Variants in DIP2C observed in about 807,000 individuals in gnomAD.
DIP2C encodes the protein disco-interacting protein 2 homolog C.
A neutral mutation model predicts 192.4 loss-of-function variants in DIP2C; 33 were observed. That is an observed-to-expected ratio of 0.17 (90% confidence interval 0.13 to 0.23). The LOEUF is 0.23. Among genes scored for constraint, DIP2C ranks in the 10% least tolerant of loss-of-function variants. The pLI is 1.00. For missense variants in DIP2C, 1,537 were observed against 2,110.1 expected (o/e 0.73, Z 5.32); for synonymous variants, 979 against 864.1 (o/e 1.13, Z -2.33).
chr10:554,344 T>C (rs1295296033), intron 1 of DIP2C, among the ~76,000 whole-genome samples: 2 of 152,248 alleles, frequency 1.3e-5, no homozygotes, highest in Non-Finnish European at 2.9e-5. Context: ...CAGTGATTCA[T>C]TTCCATCTGC....
intron 26 of DIP2C, among the ~76,000 whole-genome samples, chr10:346,750 G>A (rs374220126): frequency 0.023 from 2,010 of 87,836 alleles, 433 homozygotes; most frequent in African/African-American, 0.16. Context: ...GACACATCAC[G>A]CATAGTTCTC....
At chr10:673,782 G>T in intron 1 of DIP2C, among the ~76,000 whole-genome samples, 1 of 152,272 alleles carries the variant, frequency 6.6e-6, no homozygotes, top group Non-Finnish European at 1.5e-5. Flanking sequence ...AACCTAACCA[G>T]TCATCAAGAA....
At chr10:592,062 C>T (rs1851435653) in intron 1 of DIP2C, among the ~76,000 whole-genome samples, 1 of 152,186 alleles carries the variant, frequency 6.6e-6, no homozygotes, top group African/African-American at 2.4e-5. Context: ...CATTCATAGC[C>T]ATGTGTTCTG....
chr10:492,725 G>C (rs1018483118), intron 1 of DIP2C, among the ~76,000 whole-genome samples: 4 of 152,186 alleles, frequency 2.6e-5, no homozygotes, highest in African/African-American at 9.7e-5. Flanking sequence ...AGGTCACTTA[G>C]AGTTTTACCT....
intron 1 of DIP2C, among the ~76,000 whole-genome samples, chr10:631,529 G>GT (rs1854519430): frequency 1.3e-5 from 2 of 152,180 alleles, no homozygotes; most frequent in East Asian, 3.8e-4. Flanking sequence ...TGTGGGCAGG[G>GT]TAGCACCTCT....
chr10:603,330 A>C (rs976384343), intron 1 of DIP2C, among the ~76,000 whole-genome samples: 40 of 128,156 alleles, frequency 3.1e-4, no homozygotes, highest in Non-Finnish European at 5.2e-4. Context: ...AAAAAAAAAA[A>C]AAACCAACCA....
At chr10:584,981 G>A (rs1380851645) in intron 1 of DIP2C, among the ~76,000 whole-genome samples, 3 of 125,052 alleles carry the variant, frequency 2.4e-5, no homozygotes, top group Admixed American at 8.7e-5. Flanking sequence ...CCACTCACGC[G>A]CATCACCTCT....
intron 1 of DIP2C, among the ~76,000 whole-genome samples, chr10:686,321 G>A (rs1220806268): frequency 2.7e-5 from 4 of 148,002 alleles, no homozygotes; most frequent in Non-Finnish European, 6.0e-5. Context: ...TCCACCTGCG[G>A]GGCCTCTCCA....
chr10:381,793 A>G (rs1962397671), intron 17 of DIP2C, among the ~76,000 whole-genome samples: 1 of 152,178 alleles, frequency 6.6e-6, no homozygotes, highest in Non-Finnish European at 1.5e-5. Flanking sequence ...CTCACCCCAC[A>G]GGAAAGGAAT....
intron 1 of DIP2C, among the ~76,000 whole-genome samples, chr10:561,432 C>A (rs1362186218): frequency 6.6e-6 from 1 of 152,196 alleles, no homozygotes; most frequent in Non-Finnish European, 1.5e-5. Context: ...GAGAGACCTG[C>A]ACCTCCAGGG....
Position 344,835 on chromosome 10 carries a change from T to C in DIP2C, c.3427A>G (p.Thr1143Ala). 1.2e-6 allele frequency: 2 copies of C among 1,600,158 alleles called. No individual in the cohort carries two copies. The highest frequency in any genetic ancestry group is 1.7e-6 in the Non-Finnish European group (2 of 1,174,730). The change falls in exon 28 of 37, where the codon ACA becomes GCA. Residue 1143 changes from threonine to alanine, a missense_variant. Physicochemically the swap from Thr to Ala is moderately conservative, Grantham distance 58 (BLOSUM62 0). This residue lies in a region of DIP2C where 341 missense variants were observed against 551.7 expected (regional missense o/e 0.62). Transcript: ENST00000280886. ...TTTACGCCAGCTAGCATCCCAGTTG[T>C]GGACACGCTGAAGTCGAGATATGCA... ...TLAYLDFSVS[T>A]TGMLAGVKMS...
intron 6 of DIP2C, 98 bp downstream of exon 6, chr10:418,967 T>A (rs1041377618): frequency 6.4e-7 from 1 of 1,554,510 alleles, no homozygotes; most frequent in African/African-American, 1.4e-5. Context: ...CAGAACCGAT[T>A]GTACCCCAGG....
intron 4 of DIP2C, among the ~76,000 whole-genome samples, chr10:435,359 T>C (rs894884624): frequency 1.1e-4 from 16 of 152,208 alleles, no homozygotes; most frequent in African/African-American, 3.9e-4. Flanking sequence ...TCCCCTGTAG[T>C]AAGTATGAGG....
chr10:650,722 G>C, intron 1 of DIP2C: 1 of 634,688 alleles, frequency 1.6e-6, no homozygotes, highest in Non-Finnish European at 2.9e-6. Flanking sequence ...GAGTGCTCTG[G>C]GCCGACCCCC....
chr10:367,174 T>C (rs1960343058), intron 18 of DIP2C, among the ~76,000 whole-genome samples: 3 of 152,198 alleles, frequency 2.0e-5, no homozygotes, highest in South Asian at 4.2e-4. Context: ...TCCCAGTACT[T>C]TGGGAGGCCG....
rs1447387574 is a variant in DIP2C at position 274,747 on chromosome 10, C to T, written c.*2578G>A. ...ATAATAAACAAGCACCATGAGGAAT[C>T]TGCTCCTGTTTGATTAGGTCTGTGT... On this transcript the variant is annotated 3_prime_UTR_variant, in exon 37 of 37. Transcript: ENST00000280886. The T allele has an allele frequency of 6.6e-6, 1 of 152,196 alleles. No homozygotes were observed. Among genetic ancestry groups the T allele is most frequent in the Non-Finnish European group, 1.5e-5 (1 of 68,036 alleles). The allele number at this position is 152,196 out of a possible 1,614,324, so 9.4% of individuals were successfully genotyped here. A position where few individuals can be genotyped will look rare whatever the true frequency, so the allele number is the denominator to read the frequency against.
chr10:414,330 C>T (rs560855189), intron 7 of DIP2C, among the ~76,000 whole-genome samples: 72 of 152,160 alleles, frequency 4.7e-4, no homozygotes, highest in African/African-American at 1.7e-3. Context: ...GTGGGTAGAG[C>T]GCTTAGGTGG....
intron 1 of DIP2C, among the ~76,000 whole-genome samples, chr10:498,364 G>T (rs1386411934): frequency 6.6e-6 from 1 of 152,154 alleles, no homozygotes; most frequent in East Asian, 1.9e-4. Context: ...GCTGAAGGAA[G>T]TCCTCAGAGC....
chr10:677,042 T>A (rs1408962554), intron 1 of DIP2C, among the ~76,000 whole-genome samples: 2 of 152,234 alleles, frequency 1.3e-5, no homozygotes, highest in African/African-American at 4.8e-5. Flanking sequence ...AATATCACGC[T>A]GTATCCCATA....
Sources: allele counts gnomAD v4.1 joint callset (sites outside exome capture counted in the v4.1 genomes callset), GRCh38; gene constraint gnomAD v4.1.1; regional missense constraint gnomAD v4.1.1; transcripts MANE v1.5; gene names NCBI Gene and HGNC (gene_info 2026-07-23, HGNC 2026-07-21).